The following SUCLG2 variants were observed in gnomAD, a reference collection of about 807,000 sequenced individuals.
The protein encoded by SUCLG2 is succinate-CoA ligase GDP-forming subunit beta, also known as succinate--CoA ligase [GDP-forming] subunit beta, mitochondrial.
A neutral mutation model predicts 47.9 loss-of-function variants in SUCLG2; 42 were observed. The ratio of observed to expected loss-of-function variants is 0.88; its 90% CI spans 0.69 to 1.14. The LOEUF is 1.14. Ranked by LOEUF, SUCLG2 falls within the 50% of genes most tolerant of loss-of-function variation. The probability of loss-of-function intolerance (pLI) is 0.00; values close to 1 mark genes in which losing one functional copy is unlikely to be tolerated. For synonymous variants in SUCLG2, 195 were observed against 197.3 expected (o/e 0.99, Z 0.10); for missense variants, 571 against 525.9 (o/e 1.09, Z -0.84).
intron 10 of SUCLG2, among the ~76,000 whole-genome samples, chr3:67,362,810 C>T (rs1250918841): frequency 6.6e-6 from 1 of 152,114 alleles, no homozygotes; most frequent in Non-Finnish European, 1.5e-5. Context: ...CTGAGAGGTA[C>T]ACAAATAAGC....
intron 9 of SUCLG2, among the ~76,000 whole-genome samples, chr3:67,417,098 TG>T (rs1703055078): frequency 6.6e-6 from 1 of 151,698 alleles, no homozygotes; most frequent in Non-Finnish European, 1.5e-5. Flanking sequence ...GGATGAGTCA[TG>T]AAAAAAAAGA....
intron 9 of SUCLG2, among the ~76,000 whole-genome samples, chr3:67,419,417 A>G (rs936989204): frequency 2.0e-5 from 3 of 152,106 alleles, no homozygotes; most frequent in African/African-American, 7.3e-5. Flanking sequence ...CAGAATGTCT[A>G]ATTGTCTGAC....
intron 2 of SUCLG2, among the ~76,000 whole-genome samples, chr3:67,539,997 A>C (rs1330958391): frequency 6.6e-6 from 1 of 150,634 alleles, no homozygotes; most frequent in African/African-American, 2.4e-5. Context: ...TAGCCTTTTC[A>C]AAAAAAACAG....
chr3:67,596,284 T>G (rs1273915500), intron 2 of SUCLG2, among the ~76,000 whole-genome samples: 1 of 152,194 alleles, frequency 6.6e-6, no homozygotes, highest in Non-Finnish European at 1.5e-5. Context: ...AACAGTAAGA[T>G]GATCACAGTT....
intron 9 of SUCLG2, among the ~76,000 whole-genome samples, chr3:67,485,223 A>G (rs1705020843): frequency 6.6e-6 from 1 of 152,258 alleles, no homozygotes. Context: ...CCACAGAGGT[A>G]GTAATTGTAT....
chr3:67,364,507 A>C (rs1178608129), intron 10 of SUCLG2, among the ~76,000 whole-genome samples: 1 of 151,662 alleles, frequency 6.6e-6, no homozygotes, highest in Non-Finnish European at 1.5e-5. Context: ...AGCACTAGGC[A>C]TTCCTTGCTC....
At chr3:67,495,520 C>T (rs755329117) in intron 9 of SUCLG2, among the ~76,000 whole-genome samples, 13 of 151,842 alleles carry the variant, frequency 8.6e-5, no homozygotes, top group African/African-American at 3.1e-4. Flanking sequence ...GGCGTTGTGG[C>T]GTGTGACTGT....
chr3:67,390,190 T>C (rs1030843482), intron 10 of SUCLG2, among the ~76,000 whole-genome samples: 2 of 152,214 alleles, frequency 1.3e-5, no homozygotes, highest in African/African-American at 2.4e-5. Context: ...CTACTACCTA[T>C]TTCCTGTGAA....
At chr3:67,525,597 C>T (rs1706234243) in intron 4 of SUCLG2, among the ~76,000 whole-genome samples, 1 of 152,130 alleles carries the variant, frequency 6.6e-6, no homozygotes, top group Non-Finnish European at 1.5e-5. Flanking sequence ...AAAAAATAAC[C>T]TTGACCTAAG....
chr3:67,409,909 A>G (rs903320187), intron 9 of SUCLG2, among the ~76,000 whole-genome samples: 2 of 152,192 alleles, frequency 1.3e-5, no homozygotes, highest in African/African-American at 4.8e-5. Flanking sequence ...CTTCCTCCCA[A>G]AACAAGGATC....
intron 1 of SUCLG2, among the ~76,000 whole-genome samples, chr3:67,627,484 G>C (rs1291877416): frequency 6.6e-6 from 1 of 152,198 alleles, no homozygotes; most frequent in East Asian, 1.9e-4. Context: ...AGAGGACCTA[G>C]ACTTGGGCCA....
At chr3:67,456,598 T>C (rs1704192720) in intron 9 of SUCLG2, among the ~76,000 whole-genome samples, 1 of 152,166 alleles carries the variant, frequency 6.6e-6, no homozygotes, top group South Asian at 2.1e-4. Flanking sequence ...TCAGGCTTCA[T>C]TAGAAACACA....
chr3:67,532,620 A>G (rs1706433715), intron 2 of SUCLG2, among the ~76,000 whole-genome samples: 1 of 152,156 alleles, frequency 6.6e-6, no homozygotes, highest in African/African-American at 2.4e-5. Context: ...ACCAGTACTC[A>G]TGGTTAGGTT....
intron 10 of SUCLG2, among the ~76,000 whole-genome samples, chr3:67,364,851 A>C (rs1447136872): frequency 5.3e-5 from 8 of 152,250 alleles, no homozygotes. Flanking sequence ...CAGGAATGGC[A>C]GAATCATCTA....
chr3:67,428,082 A>G (rs996268487), intron 9 of SUCLG2, among the ~76,000 whole-genome samples: 4 of 151,994 alleles, frequency 2.6e-5, no homozygotes, highest in Admixed American at 2.6e-4. Flanking sequence ...CTGGAGACTT[A>G]AACATCCCTA....
chr3:67,559,247 C>T (rs1395974911), intron 2 of SUCLG2, among the ~76,000 whole-genome samples: 7 of 152,004 alleles, frequency 4.6e-5, no homozygotes, highest in African/African-American at 7.2e-5. Context: ...GTAGTATGAA[C>T]GAGTAAGAAA....
chr3:67,364,604 G>C (rs1305140829), intron 10 of SUCLG2, among the ~76,000 whole-genome samples: 1 of 152,192 alleles, frequency 6.6e-6, no homozygotes, highest in African/African-American at 2.4e-5. Context: ...CCTCACTTCA[G>C]GTGTGAATGA....
chr3:67,418,370 G>C (rs1703081171), intron 9 of SUCLG2, among the ~76,000 whole-genome samples: 1 of 152,096 alleles, frequency 6.6e-6, no homozygotes, highest in Admixed American at 6.6e-5. Context: ...ATTATTTTTA[G>C]AGACAGGAAA....
intron 4 of SUCLG2, among the ~76,000 whole-genome samples, chr3:67,522,976 ATT>A (rs1706157887): frequency 2.7e-5 from 4 of 150,884 alleles, no homozygotes; most frequent in Non-Finnish European, 5.9e-5. Flanking sequence ...ATTGTTTTGT[ATT>A]TTTAGTAGAG....
Sources: allele counts gnomAD v4.1 joint callset (sites outside exome capture counted in the v4.1 genomes callset), GRCh38; gene constraint gnomAD v4.1.1; transcripts MANE v1.5; gene names NCBI Gene and HGNC (gene_info 2026-07-23, HGNC 2026-07-21).